The following RAD51B variants were observed in gnomAD, a reference collection of about 807,000 sequenced individuals.
The protein encoded by RAD51B is DNA repair protein RAD51 homolog 2.
A neutral mutation model predicts 42.2 loss-of-function variants in RAD51B; 38 were observed. The ratio of observed to expected loss-of-function variants is 0.90; its 90% CI spans 0.70 to 1.18. RAD51B has a LOEUF of 1.18. RAD51B is among the 50% of genes most tolerant of loss of function. RAD51B has a pLI of 0.00. For missense variants in RAD51B, 373 were observed against 400.7 expected (o/e 0.93, Z 0.59); for synonymous variants, 154 against 145.2 (o/e 1.06, Z -0.43).
chr14:67,891,375 G>C (rs981741222), intron 7 of RAD51B, among the ~76,000 whole-genome samples: 1 of 152,078 alleles, frequency 6.6e-6, no homozygotes, highest in African/African-American at 2.4e-5. Flanking sequence ...CATGCCTTTT[G>C]AGAATATCCA....
At chr14:68,180,039 C>G (rs2079033292) in intron 7 of RAD51B, among the ~76,000 whole-genome samples, 1 of 152,096 alleles carries the variant, frequency 6.6e-6, no homozygotes, top group Admixed American at 6.6e-5. Flanking sequence ...TCCCCCCTTG[C>G]ATTCTGAGAC....
At chr14:68,344,465 G>T (rs1472309489) in intron 8 of RAD51B, among the ~76,000 whole-genome samples, 2 of 150,424 alleles carry the variant, frequency 1.3e-5, no homozygotes, top group African/African-American at 4.9e-5. Context: ...GGCTAACACA[G>T]TGAAACCCCG....
intron 7 of RAD51B, among the ~76,000 whole-genome samples, chr14:68,132,131 T>G (rs1362017155): frequency 1.3e-5 from 2 of 152,174 alleles, no homozygotes; most frequent in Admixed American, 1.3e-4. Flanking sequence ...TTTCAGTGTT[T>G]TTGTTAAGAT....
intron 7 of RAD51B, among the ~76,000 whole-genome samples, chr14:68,233,374 T>C (rs1194611510): frequency 1.3e-5 from 2 of 152,242 alleles, no homozygotes; most frequent in Non-Finnish European, 2.9e-5. Context: ...CATTATTTTG[T>C]CTGGCTAATA....
chr14:68,013,289 G>A (rs2075717961), intron 7 of RAD51B, among the ~76,000 whole-genome samples: 1 of 152,148 alleles, frequency 6.6e-6, no homozygotes, highest in African/African-American at 2.4e-5. Flanking sequence ...ATAGGCAGAA[G>A]CTATATCCTT....
intron 7 of RAD51B, among the ~76,000 whole-genome samples, chr14:68,199,658 G>A (rs567094400): frequency 6.6e-5 from 10 of 152,190 alleles, no homozygotes; most frequent in East Asian, 1.9e-4. Flanking sequence ...ATCTCATTCC[G>A]TCCTCCCCCT....
intron 8 of RAD51B, chr14:68,338,642 A>G (rs2082506932): frequency 3.2e-6 from 1 of 316,518 alleles, no homozygotes; most frequent in African/African-American, 2.2e-5. Context: ...GTGTATCTTT[A>G]TGCTTGCCAT....
chr14:67,933,151 C>T (rs2044803390), intron 7 of RAD51B, among the ~76,000 whole-genome samples: 1 of 152,192 alleles, frequency 6.6e-6, no homozygotes, highest in African/African-American at 2.4e-5. Flanking sequence ...AGAATTTGTG[C>T]TGCCTTTCCG....
chr14:67,937,889 A>C (rs1184936992), intron 7 of RAD51B, among the ~76,000 whole-genome samples: 1 of 152,196 alleles, frequency 6.6e-6, no homozygotes, highest in Non-Finnish European at 1.5e-5. Context: ...AGGCACAGGT[A>C]AGTAACTTTT....
At chr14:68,474,997 C>G (rs1260057993) in intron 10 of RAD51B, among the ~76,000 whole-genome samples, 1 of 152,170 alleles carries the variant, frequency 6.6e-6, no homozygotes, top group Non-Finnish European at 1.5e-5. Context: ...CTCTGTCACA[C>G]CTAGGATGTT....
chr14:68,261,590 G>A (rs999647491), intron 7 of RAD51B, among the ~76,000 whole-genome samples: 1 of 152,138 alleles, frequency 6.6e-6, no homozygotes, highest in Non-Finnish European at 1.5e-5. Context: ...CCCATATAGT[G>A]TGCAGCGTTG....
At chr14:67,978,909 A>G (rs146641004) in intron 7 of RAD51B, among the ~76,000 whole-genome samples, 4 of 152,358 alleles carry the variant, frequency 2.6e-5, no homozygotes, top group East Asian at 3.8e-4. Flanking sequence ...CTTTTGCCAC[A>G]TGAAACTGTA....
chr14:68,015,329 A>G (rs1327904331), intron 7 of RAD51B, among the ~76,000 whole-genome samples: 1 of 152,194 alleles, frequency 6.6e-6, no homozygotes. Context: ...CTCAGGAGAT[A>G]TGAATATTAT....
chr14:68,284,094 C>G (rs1447585111), intron 7 of RAD51B, among the ~76,000 whole-genome samples: 1 of 152,218 alleles, frequency 6.6e-6, no homozygotes, highest in Admixed American at 6.5e-5. Context: ...GGCTCCCCTA[C>G]TAGGCAGAGT....
At chr14:68,067,480 A>C (rs570563510) in intron 7 of RAD51B, among the ~76,000 whole-genome samples, 3 of 151,498 alleles carry the variant, frequency 2.0e-5, no homozygotes, top group Non-Finnish European at 2.9e-5. Flanking sequence ...AAAAAAACAA[A>C]AAAAAAAAAA....
chr14:68,503,792 A>G (rs916562437), intron 10 of RAD51B, among the ~76,000 whole-genome samples: 3 of 152,226 alleles, frequency 2.0e-5, no homozygotes, highest in African/African-American at 7.2e-5. Flanking sequence ...CACCCTGACC[A>G]AGAGGAATCC....
intron 7 of RAD51B, among the ~76,000 whole-genome samples, chr14:68,182,003 T>C (rs1177555651): frequency 6.6e-6 from 1 of 152,214 alleles, no homozygotes; most frequent in East Asian, 1.9e-4. Context: ...ATGCATTATA[T>C]AGATTATGGT....
chr14:67,906,996 A>G (rs2043801294), intron 7 of RAD51B, among the ~76,000 whole-genome samples: 1 of 151,986 alleles, frequency 6.6e-6, no homozygotes, highest in South Asian at 2.1e-4. Flanking sequence ...TTTAGTAAAG[A>G]CAGGGTTTCT....
At chr14:68,416,168 A>G (rs1405834374) in intron 9 of RAD51B, among the ~76,000 whole-genome samples, 2 of 152,238 alleles carry the variant, frequency 1.3e-5, no homozygotes, top group African/African-American at 2.4e-5. Flanking sequence ...TTTGCATCTT[A>G]GAAGTATTGC....
Sources: gnomAD v4.1 joint callset for allele counts (sites outside exome capture counted in the v4.1 genomes callset) on GRCh38, gnomAD v4.1.1 for gene constraint, MANE v1.5 for transcripts, NCBI Gene and HGNC (gene_info 2026-07-23, HGNC 2026-07-21) for gene names.